Variants in FGF1 observed in about 807,000 individuals in gnomAD.
FGF1 encodes fibroblast growth factor 1, also known as beta-endothelial cell growth factor.
FGF1 carries 9 observed loss-of-function variants against 13.4 expected under a neutral mutation model. The ratio of observed to expected loss-of-function variants is 0.67; its 90% CI spans 0.40 to 1.17. FGF1 has a LOEUF of 1.17. FGF1 is among the 50% of genes most tolerant of loss of function. The pLI is 0.01. For synonymous variants in FGF1, 93 were observed against 79.0 expected (o/e 1.18, Z -0.94); for missense variants, 156 against 192.7 (o/e 0.81, Z 1.13).
chr5:142,607,881 T>C (rs116151889), intron 2 of FGF1, among the ~76,000 whole-genome samples: 698 of 152,328 alleles, frequency 4.6e-3, no homozygotes, highest in Non-Finnish European at 6.9e-3. Flanking sequence ...TGCATGGCTG[T>C]GCTAGCCCGC....
intron 2 of FGF1, 41 bp downstream of exon 2, chr5:142,613,918 A>G: frequency 6.3e-7 from 1 of 1,599,648 alleles, no homozygotes; most frequent in Non-Finnish European, 8.5e-7. Flanking sequence ...ACTACAGAAG[A>G]TGTCAGAAAG....
chr5:142,608,976 T>C (rs920999), intron 2 of FGF1, among the ~76,000 whole-genome samples: 12,905 of 151,902 alleles, frequency 0.085, 954 homozygotes, highest in African/African-American at 0.19. Flanking sequence ...CTTCTGGCAG[T>C]GGGGTCCAGC....
chr5:142,609,712 G>A (rs533124672), intron 2 of FGF1, among the ~76,000 whole-genome samples: 2 of 152,330 alleles, frequency 1.3e-5, no homozygotes, highest in South Asian at 2.1e-4. Context: ...CAGGAATCCC[G>A]GAAGAATGAT....
chr5:142,680,910 C>G (rs1773592419), intron 1 of FGF1: 1 of 152,142 alleles, frequency 6.6e-6, no homozygotes, highest in Non-Finnish European at 1.5e-5. Context: ...AATCCTGGGT[C>G]CCTTATGAAG....
At chr5:142,631,048 T>C (rs956492372) in intron 1 of FGF1, among the ~76,000 whole-genome samples, 2 of 152,158 alleles carry the variant, frequency 1.3e-5, no homozygotes, top group Admixed American at 1.3e-4. Context: ...GCTCAGATAT[T>C]TATTGAGTAA....
intron 1 of FGF1, among the ~76,000 whole-genome samples, chr5:142,627,447 A>G (rs911096732): frequency 1.3e-5 from 2 of 152,184 alleles, no homozygotes; most frequent in African/African-American, 4.8e-5. Context: ...AATAAAAAGG[A>G]CAAAACTCAC....
At chr5:142,633,073 C>T (rs578092223) in intron 1 of FGF1, among the ~76,000 whole-genome samples, 1 of 152,230 alleles carries the variant, frequency 6.6e-6, no homozygotes, top group Admixed American at 6.5e-5. Flanking sequence ...GCGCCCGCCA[C>T]CACACCCGGC....
intron 1 of FGF1, among the ~76,000 whole-genome samples, chr5:142,684,290 G>C (rs1487160350): frequency 6.6e-6 from 1 of 152,176 alleles, no homozygotes; most frequent in African/African-American, 2.4e-5. Context: ...ATCATGGCTG[G>C]TGCTACTCAC....
At chr5:142,603,865 T>C (rs1332809754) in intron 2 of FGF1, among the ~76,000 whole-genome samples, 1 of 152,152 alleles carries the variant, frequency 6.6e-6, no homozygotes, top group Non-Finnish European at 1.5e-5. Context: ...TCCATAAAGT[T>C]ATTTCTCAGT....
Position 142,596,405 on chromosome 5 carries a change from G to A in FGF1, c.274-921C>T, listed in dbSNP as rs17223912. ...GGATTGCTTGAGCCCAGGAATTTGA[G>A]GCCAGTCTGGGCAACATAGCAAGAC... On this transcript the variant is annotated intron_variant, in intron 3 of 3. Coordinates refer to ENST00000337706, the MANE Select transcript of FGF1 (RefSeq NM_000800.5). Among the ~76,000 whole-genome samples, 377 of 149,414 alleles carry A rather than the reference G, an allele frequency of 2.5e-3. 6 individuals carry two copies. The East Asian group carries it at 0.064, about 25-fold the overall frequency.
chr5:142,658,086 A>T (rs1768503094), intron 1 of FGF1, among the ~76,000 whole-genome samples: 1 of 152,148 alleles, frequency 6.6e-6, no homozygotes, highest in African/African-American at 2.4e-5. Context: ...GACGTCTTGC[A>T]TTCTCCTTCT....
chr5:142,630,444 C>T (rs1028794446), intron 1 of FGF1, among the ~76,000 whole-genome samples: 8 of 152,140 alleles, frequency 5.3e-5, no homozygotes, highest in African/African-American at 1.9e-4. Flanking sequence ...GGCCCCCTCC[C>T]ATCACTTTTA....
intron 1 of FGF1, among the ~76,000 whole-genome samples, chr5:142,625,313 GACACACACAC>G (rs59813387): frequency 0.018 from 2,657 of 148,264 alleles, 26 homozygotes; most frequent in Middle Eastern, 0.093. Flanking sequence ...ACTACAAGCG[GACACACACAC>G]ACACACACAC....
intron 1 of FGF1, among the ~76,000 whole-genome samples, chr5:142,661,762 G>A (rs17216895): frequency 0.24 from 36,691 of 152,052 alleles, 4,528 homozygotes; most frequent in East Asian, 0.35. Context: ...CCAGCACTTT[G>A]GGAGGCCAAG....
chr5:142,662,041 C>G (rs1443778914), intron 1 of FGF1, among the ~76,000 whole-genome samples: 1 of 151,926 alleles, frequency 6.6e-6, no homozygotes, highest in Admixed American at 6.6e-5. Flanking sequence ...AAAAAAAAAC[C>G]CACATATTGT....
At chr5:142,627,156 G>A (rs1454330263) in intron 1 of FGF1, 1 of 152,176 alleles carries the variant, frequency 6.6e-6, no homozygotes, top group African/African-American at 2.4e-5. Flanking sequence ...GGGGTTTCAC[G>A]GAGCATTTGG....
chr5:142,634,317 A>G (rs1763904867), intron 1 of FGF1, among the ~76,000 whole-genome samples: 1 of 152,236 alleles, frequency 6.6e-6, no homozygotes, highest in South Asian at 2.1e-4. Flanking sequence ...TGCCTGGCAC[A>G]GAGCATAGTG....
chr5:142,608,795 T>G (rs1299716929), intron 2 of FGF1, among the ~76,000 whole-genome samples: 1 of 65,676 alleles, frequency 1.5e-5, no homozygotes. Flanking sequence ...ATGTGATATA[T>G]TATGTGTGTG....
chr5:142,615,535 TTGTAAG>T (rs1760061652), intron 1 of FGF1, among the ~76,000 whole-genome samples: 2 of 152,238 alleles, frequency 1.3e-5, no homozygotes, highest in South Asian at 4.1e-4. Flanking sequence ...GAGCTGTACT[TTGTAAG>T]TGTGAGTAGT....
Sources: allele counts gnomAD v4.1 joint callset (sites outside exome capture counted in the v4.1 genomes callset), GRCh38; gene constraint gnomAD v4.1.1; transcripts MANE v1.5; gene names NCBI Gene and HGNC (gene_info 2026-07-23, HGNC 2026-07-21).